The following ARHGAP25 variants were observed in gnomAD, a reference collection of about 807,000 sequenced individuals.
ARHGAP25 encodes the protein rho GTPase-activating protein 25.
ARHGAP25 carries 34 observed loss-of-function variants against 71.0 expected under a neutral mutation model. That is an observed-to-expected ratio of 0.48 (90% CI 0.36 to 0.64). The LOEUF (loss-of-function observed/expected upper bound fraction) is 0.64. Among genes scored for constraint, ARHGAP25 ranks in the 30% least tolerant of loss-of-function variants. The pLI, the probability that ARHGAP25 is intolerant of heterozygous loss-of-function variation, is 0.00. For synonymous variants in ARHGAP25, 282 were observed against 296.5 expected, an observed-to-expected ratio of 0.95 and a Z score of 0.50; for missense variants, 706 against 805.1, an observed-to-expected ratio of 0.88 and a Z score of 1.49.
chr2:68,820,919 A>C (rs4854459), intron 9 of ARHGAP25, among the ~76,000 whole-genome samples: 99,430 of 151,658 alleles, frequency 0.66, 32,933 homozygotes, highest in Non-Finnish European at 0.71. Flanking sequence ...ACACAAAACT[A>C]TGTATCTTGC....
At chr2:68,765,074 C>G (rs1047573847) in intron 1 of ARHGAP25, among the ~76,000 whole-genome samples, 6 of 152,174 alleles carry the variant, frequency 3.9e-5, no homozygotes, top group Non-Finnish European at 7.3e-5. Flanking sequence ...CCTCCGGTTT[C>G]TGCTGCCCTT....
At chr2:68,719,851 A>G (rs549769126) in intron 2 of ARHGAP25, among the ~76,000 whole-genome samples, 21 of 152,272 alleles carry the variant, frequency 1.4e-4, no homozygotes, top group Non-Finnish European at 7.4e-5. Flanking sequence ...CCAGACCCCC[A>G]TGGGTCCCAG....
At chr2:68,733,888 G>A (rs1675091951), upstream of ARHGAP25, among the ~76,000 whole-genome samples, 2 of 152,202 alleles carry the variant, frequency 1.3e-5, no homozygotes, top group Non-Finnish European at 2.9e-5. Flanking sequence ...CCTCACAACA[G>A]CCTATGAAGT....
Position 68,773,633 on chromosome 2 carries a change from G to A in ARHGAP25, c.62-1588G>A, listed in dbSNP as rs985386445. Reference sequence around the variant, plus strand: ...ATGGACTCATGTAACAAACCAGCACGTATACCCCCTGAATATATTTTTCAA... The same window carrying A: ...ATGGACTCATGTAACAAACCAGCACATATACCCCCTGAATATATTTTTCAA... On this transcript the variant is annotated intron_variant, in intron 1 of 10. Coordinates refer to ENST00000409202, the MANE Select transcript of ARHGAP25 (RefSeq NM_001007231.3). Among the ~76,000 whole-genome samples the A allele has an allele frequency of 4.6e-5, 7 of 152,108 alleles. No individual in the cohort carries two copies. The East Asian group carries it at 5.8e-4, about 13-fold the overall frequency.
intron 2 of ARHGAP25, among the ~76,000 whole-genome samples, chr2:68,724,424 T>A (rs1279805560): frequency 1.3e-5 from 2 of 152,208 alleles, no homozygotes; most frequent in Non-Finnish European, 2.9e-5. Flanking sequence ...AGCAGACAGC[T>A]GCCTCACTGG....
chr2:68,747,882 C>T (rs1675930708), intron 1 of ARHGAP25, among the ~76,000 whole-genome samples: 1 of 151,592 alleles, frequency 6.6e-6, no homozygotes. Flanking sequence ...TCCGTTATCT[C>T]CAATGCTGTA....
intron 3 of ARHGAP25, 119 bp from the exon 4 acceptor site, chr2:68,787,721 T>A (rs1176427206): frequency 2.6e-6 from 2 of 779,180 alleles, no homozygotes; most frequent in East Asian, 4.9e-5. Flanking sequence ...ATTTGTGTTG[T>A]TTGGCTGGTA....
intron 4 of ARHGAP25, among the ~76,000 whole-genome samples, chr2:68,800,576 A>G (rs1240645507): frequency 6.6e-6 from 1 of 152,176 alleles, no homozygotes; most frequent in African/African-American, 2.4e-5. Flanking sequence ...ATGGTCTGGC[A>G]TTAGAGGAAC....
At chr2:68,768,538 C>T (rs1458372668) in intron 1 of ARHGAP25, among the ~76,000 whole-genome samples, 1 of 152,172 alleles carries the variant, frequency 6.6e-6, no homozygotes, top group Non-Finnish European at 1.5e-5. Context: ...GAAAACAGCA[C>T]CCTTTTCTGT....
chr2:68,729,055 T>C (rs902984091), intron 2 of ARHGAP25, among the ~76,000 whole-genome samples: 5 of 152,232 alleles, frequency 3.3e-5, no homozygotes, highest in Non-Finnish European at 7.3e-5. Flanking sequence ...CAGACACCTT[T>C]GTCCATACAC....
intron 9 of ARHGAP25, chr2:68,819,653 T>A: frequency 1.8e-6 from 1 of 552,446 alleles, no homozygotes; most frequent in South Asian, 2.6e-5. Context: ...TTGTAAATGT[T>A]TTGGTCAGAA....
chr2:68,800,889 G>A (rs1001998258), intron 4 of ARHGAP25, among the ~76,000 whole-genome samples: 16 of 151,714 alleles, frequency 1.1e-4, no homozygotes, highest in African/African-American at 3.9e-4. Context: ...ATTACATTAT[G>A]GTAATTATAT....
At chr2:68,772,534 G>A (rs553846988) in intron 1 of ARHGAP25, among the ~76,000 whole-genome samples, 21 of 152,296 alleles carry the variant, frequency 1.4e-4, no homozygotes, top group Admixed American at 5.9e-4. Context: ...CTCACTCTTC[G>A]ATTTTCTCCA....
chr2:68,796,725 G>A (rs957019308), intron 4 of ARHGAP25, among the ~76,000 whole-genome samples: 10 of 152,174 alleles, frequency 6.6e-5, no homozygotes, highest in Non-Finnish European at 1.5e-4. Flanking sequence ...TGAGACCTCA[G>A]GCAGCATATG....
chr2:68,778,266 T>C (rs1417702313), intron 2 of ARHGAP25, among the ~76,000 whole-genome samples: 1 of 152,132 alleles, frequency 6.6e-6, no homozygotes, highest in African/African-American at 2.4e-5. Context: ...TGCTCCTAAT[T>C]AATACTTTTT....
At position 68,817,970 on chromosome 2, in the gene ARHGAP25, G is replaced by A. The variant is rs752930735; in HGVS notation, c.979G>A (p.Glu327Lys). 1.5e-5 allele frequency: 24 copies of A among 1,614,002 alleles called. No homozygotes were observed. Among genetic ancestry groups the A allele is most frequent in the South Asian group, 3.3e-5 (3 of 91,082 alleles). Reference protein sequence around the residue: ...IGVNLIRSKVEDPAVIMRGTP... With the variant: ...IGVNLIRSKVKDPAVIMRGTP... Reference sequence around the variant, plus strand: ...TGTGAATCTCATCAGGTCGAAGGTCGAAGACCCTGCCGTGATCATGAGAGG... The same window carrying A: ...TGTGAATCTCATCAGGTCGAAGGTCAAAGACCCTGCCGTGATCATGAGAGG... The change falls in exon 8 of 11, where the codon GAA becomes AAA. Residue 327 changes from glutamate to lysine, a missense_variant. Coordinates refer to ENST00000409202, the MANE Select transcript of ARHGAP25 (RefSeq NM_001007231.3).
chr2:68,716,890 T>C (rs1219693429), intron 2 of ARHGAP25, among the ~76,000 whole-genome samples: 5 of 152,252 alleles, frequency 3.3e-5, no homozygotes, highest in Non-Finnish European at 7.3e-5. Context: ...TCTATCTCTC[T>C]TTAAATGTCA....
At chr2:68,788,085 C>A in intron 4 of ARHGAP25, 129 bp downstream of exon 4, 1 of 722,528 alleles carries the variant, frequency 1.4e-6, no homozygotes, top group South Asian at 1.6e-5. Flanking sequence ...TCTGCATGCC[C>A]ATGGCCAAGT....
chr2:68,724,556 C>CA (rs879345450), intron 2 of ARHGAP25, among the ~76,000 whole-genome samples: 6 of 152,098 alleles, frequency 3.9e-5, no homozygotes, highest in Non-Finnish European at 7.4e-5. Context: ...CTCTGAGTGA[C>CA]AAAAAATATT....
Sources: allele counts gnomAD v4.1 joint callset (sites outside exome capture counted in the v4.1 genomes callset), GRCh38; gene constraint gnomAD v4.1.1; transcripts MANE v1.5; gene names NCBI Gene and HGNC (gene_info 2026-07-23, HGNC 2026-07-21).